GALNT14: variants seen among roughly 807,000 people sequenced by gnomAD.
GALNT14 encodes polypeptide N-acetylgalactosaminyltransferase 14, also known as UDP-GalNAc:polypeptide N-acetylgalactosaminyltransferase 14.
A neutral mutation model predicts 77.5 loss-of-function variants in GALNT14; 60 were observed. That is an observed-to-expected ratio of 0.77 (90% confidence interval 0.63 to 0.96). GALNT14 has a LOEUF of 0.96. GALNT14 is among the 40% of genes least tolerant of loss of function. GALNT14 has a pLI of 0.00. For missense variants in GALNT14, 710 were observed against 731.0 expected, an observed-to-expected ratio of 0.97 and a Z score of 0.33; for synonymous variants, 280 against 281.7, an observed-to-expected ratio of 0.99 and a Z score of 0.06.
chr2:31,078,650 C>T (rs1439783608), intron 1 of GALNT14, among the ~76,000 whole-genome samples: 2 of 152,182 alleles, frequency 1.3e-5, no homozygotes, highest in African/African-American at 4.8e-5. Context: ...TTGAGGCTAG[C>T]CCTACAGAAG....
rs747341898 is a variant in GALNT14, at chr2:30,958,454, G to A, written c.409C>T (p.Arg137Cys). ...LLRTIRSVLN[R>C]TPTHLIREII... ...TCCCGGATCAGATGCGTAGGGGTGCGGTTTAATACACTGCAAGATGGAAAC... is the reference window on the plus strand; with the variant it reads ...TCCCGGATCAGATGCGTAGGGGTGCAGTTTAATACACTGCAAGATGGAAAC... Residue 137 changes from arginine (R) to cysteine (C), a missense_variant, in exon 4 of 15, where the codon CGC (arginine) becomes TGC (cysteine). Coordinates refer to ENST00000349752, the MANE Select transcript of GALNT14 (RefSeq NM_024572.4). 14 of 1,613,688 alleles carry A rather than the reference G, an allele frequency of 8.7e-6. No individual in the cohort carries two copies. Among genetic ancestry groups the A allele is most frequent in the South Asian group, 2.2e-5 (2 of 91,038 alleles).
intron 1 of GALNT14, among the ~76,000 whole-genome samples, chr2:31,115,848 C>T (rs921013375): frequency 1.3e-5 from 2 of 152,104 alleles, no homozygotes; most frequent in Admixed American, 6.5e-5. Flanking sequence ...TAGCAAGACC[C>T]TATTTTTAAA....
intron 1 of GALNT14, among the ~76,000 whole-genome samples, chr2:31,036,561 C>T (rs1266760042): frequency 1.3e-5 from 2 of 152,146 alleles, no homozygotes; most frequent in East Asian, 3.8e-4. Context: ...CATTTAATTA[C>T]CTTTTTTGTT....
At chr2:30,995,562 T>C (rs1018320162) in intron 1 of GALNT14, among the ~76,000 whole-genome samples, 1 of 152,170 alleles carries the variant, frequency 6.6e-6, no homozygotes, top group Non-Finnish European at 1.5e-5. Context: ...GGCTCAACCA[T>C]AGCTTATTGC....
the GALNT14 span, among the ~76,000 whole-genome samples, chr2:30,900,537 T>G: frequency 6.6e-6 from 1 of 152,192 alleles, no homozygotes; most frequent in African/African-American, 2.4e-5. Context: ...TCATAGAAAT[T>G]TATTGAGTGT....
chr2:30,958,509 A>G (rs759423777), intron 3 of GALNT14, 45 bp from the exon 4 acceptor site: 1 of 1,473,636 alleles, frequency 6.8e-7, no homozygotes, highest in Non-Finnish European at 9.5e-7. Flanking sequence ...TTCTAGTGGC[A>G]AAATATATGT....
chr2:31,128,059 G>T (rs1415711842), intron 1 of GALNT14, among the ~76,000 whole-genome samples: 1 of 151,960 alleles, frequency 6.6e-6, no homozygotes, highest in Non-Finnish European at 1.5e-5. Context: ...CACCACCATG[G>T]GCCCAGGAGC....
At chr2:31,091,082 G>C (rs1002232339) in intron 1 of GALNT14, among the ~76,000 whole-genome samples, 9 of 152,058 alleles carry the variant, frequency 5.9e-5, no homozygotes, top group African/African-American at 2.2e-4. Context: ...AAAGAAACTG[G>C]GTTTGCTTTG....
At position 31,105,876 on chromosome 2, in the gene GALNT14, T is replaced by C. The variant is rs1677530144; in HGVS notation, c.129+32082A>G. On this transcript the variant is annotated intron_variant, in intron 1 of 14. Coordinates refer to ENST00000349752, the MANE Select transcript of GALNT14 (RefSeq NM_024572.4). ...TGACACTTCTAATTCCAATCCAGCA[T>C]GCTAGGACTTTTCTAGCCTTCCTTC... Among the ~76,000 whole-genome samples the C allele has an allele frequency of 2.0e-5, 3 of 152,356 alleles. No homozygotes were observed. The South Asian group carries it at 6.2e-4, about 32-fold the overall frequency.
At position 31,036,762 on chromosome 2, in the gene GALNT14, C is replaced by A. The variant is rs1672760677; in HGVS notation, c.130-43755G>T. On this transcript the variant is annotated intron_variant, in intron 1 of 14. Coordinates refer to ENST00000349752, the MANE Select transcript of GALNT14 (RefSeq NM_024572.4). ...CTCCTTCATTTCTGAGGAATAGTCT[C>A]TACTGAATATGAAATTCTTGGTTGA... Among the ~76,000 whole-genome samples the A allele has an allele frequency of 5.9e-5, 9 of 152,162 alleles. 1 individual carries two copies. In the South Asian group the frequency reaches 1.9e-3, roughly 32 times the overall value.
At chr2:31,005,428 G>C (rs1481007571) in intron 1 of GALNT14, among the ~76,000 whole-genome samples, 1 of 152,136 alleles carries the variant, frequency 6.6e-6, no homozygotes, top group Non-Finnish European at 1.5e-5. Flanking sequence ...TCCTCCCAAG[G>C]ACAATACTAA....
intron 1 of GALNT14, among the ~76,000 whole-genome samples, chr2:31,110,220 C>T (rs1488641011): frequency 1.3e-5 from 2 of 152,074 alleles, no homozygotes; most frequent in African/African-American, 2.4e-5. Context: ...CTCCTAAATC[C>T]GTGTATTATA....
intron 2 of GALNT14, among the ~76,000 whole-genome samples, chr2:30,992,481 C>T (rs1342236774): frequency 6.6e-6 from 1 of 152,180 alleles, no homozygotes. Flanking sequence ...CTTTGGAACC[C>T]AGCCTCGGGT....
At chr2:30,951,662 G>A (rs917863125) in intron 6 of GALNT14, among the ~76,000 whole-genome samples, 24 of 152,116 alleles carry the variant, frequency 1.6e-4, no homozygotes, top group African/African-American at 5.3e-4. Flanking sequence ...ACACATGCAC[G>A]CACACGTGCA....
chr2:31,025,616 A>C (rs921699960), intron 1 of GALNT14, among the ~76,000 whole-genome samples: 6 of 152,232 alleles, frequency 3.9e-5, no homozygotes, highest in Admixed American at 3.9e-4. Context: ...CCAGAGACCA[A>C]GAGCTCTAAG....
intron 1 of GALNT14, among the ~76,000 whole-genome samples, chr2:31,097,119 T>TCACA (rs1471743392): frequency 5.9e-5 from 9 of 152,088 alleles, no homozygotes; most frequent in Non-Finnish European, 1.2e-4. Context: ...CCTGCTTATG[T>TCACA]GAGATAGGAT....
At chr2:31,130,310 A>G (rs1016124621) in intron 1 of GALNT14, among the ~76,000 whole-genome samples, 2 of 152,170 alleles carry the variant, frequency 1.3e-5, no homozygotes, top group Admixed American at 1.3e-4. Flanking sequence ...TTGTGTCCAG[A>G]GCGGTGCTCT....
At chr2:31,109,674 C>T (rs939792890) in intron 1 of GALNT14, among the ~76,000 whole-genome samples, 1 of 152,220 alleles carries the variant, frequency 6.6e-6, no homozygotes, top group Non-Finnish European at 1.5e-5. Flanking sequence ...GTGGTACAAT[C>T]ATTAAACATC....
chr2:31,125,168 C>T (rs1241292319), intron 1 of GALNT14: 14 of 1,549,912 alleles, frequency 9.0e-6, no homozygotes, highest in Non-Finnish European at 1.1e-5. Context: ...AGGAAGATGC[C>T]CTCTTTGGTA....
Sources: allele counts gnomAD v4.1 joint callset (sites outside exome capture counted in the v4.1 genomes callset), GRCh38; gene constraint gnomAD v4.1.1; transcripts MANE v1.5; gene names NCBI Gene and HGNC (gene_info 2026-07-23, HGNC 2026-07-21).